TEKT2: variants seen among roughly 807,000 people sequenced by gnomAD.
The protein encoded by TEKT2 is tektin-2.
Under a neutral mutation model 49.8 loss-of-function variants are expected in TEKT2, and 45 were observed. The ratio of observed to expected loss-of-function variants is 0.90; its 90% CI spans 0.71 to 1.16. The LOEUF (loss-of-function observed/expected upper bound fraction) is 1.16, where lower values mean the gene tolerates loss of function less well. Among genes scored for constraint, TEKT2 ranks in the 50% most tolerant of loss-of-function variants. The pLI is 0.00. For missense variants in TEKT2, 523 were observed against 551.4 expected (o/e 0.95, Z 0.52); for synonymous variants, 202 against 224.6 (o/e 0.90, Z 0.90).
At chr1:36,085,507 CTTTTTTTTTTTTT>C (rs1159834731) in intron 3 of TEKT2, among the ~76,000 whole-genome samples, 2 of 82,554 alleles carry the variant, frequency 2.4e-5, no homozygotes. Context: ...TCTTTCTTTT[CTTTTTTTTTTTTT>C]TTTTTTTTTT....
chr1:36,085,058 G>C lies in TEKT2; in HGVS notation c.137G>C (p.Arg46Pro), dbSNP rs142695740. ...ATCCGCCAGGAGGCCCGGGTGCTCC[G>C]CAACGAGACCAACAACCAGGTTGGG... is the stretch of plus-strand genomic sequence containing the variant. Reference protein sequence around the residue: ...HQIRQEARVLRNETNNQTIWD... With the variant: ...HQIRQEARVLPNETNNQTIWD... Residue 46 changes from arginine (R) to proline (P), a missense_variant, in exon 2 of 10, where the codon CGC becomes CCC. Physicochemically the swap from Arg to Pro is moderately radical, Grantham distance 103. Coordinates refer to ENST00000207457, the MANE Select transcript of TEKT2 (RefSeq NM_014466.3). 2.2e-5 allele frequency: 36 copies of C among 1,613,988 alleles called. No homozygotes were observed. In the Middle Eastern group the frequency reaches 6.6e-4, roughly 29 times the overall value.
In TEKT2 at chr1:36,088,039, C is replaced by T. The variant is rs756758536; in HGVS notation, c.1146C>T (p.Asn382=). The change falls in exon 10 of 10, where the codon AAC becomes AAT. Residue 382 remains asparagine (N), a synonymous_variant. Coordinates refer to ENST00000207457, the MANE Select transcript of TEKT2 (RefSeq NM_014466.3). ...RLQADIACKA[N]SMLLDTKCMD... is the part of the protein sequence containing the mutation. ...AGGCTGACATTGCCTGCAAGGCCAACTCCATGCTGCTGGACACCAAGTGCA... is the reference window on the plus strand; with the variant it reads ...AGGCTGACATTGCCTGCAAGGCCAATTCCATGCTGCTGGACACCAAGTGCA... 2 of 1,612,818 alleles carry T rather than the reference C, an allele frequency of 1.2e-6. No homozygotes were observed. The highest frequency in any genetic ancestry group is 3.3e-5 in the Admixed American group (2 of 59,978).
chr1:36,086,164 T>C, intron 4 of TEKT2, 123 bp downstream of exon 4: 1 of 1,064,318 alleles, frequency 9.4e-7, no homozygotes, highest in Non-Finnish European at 1.4e-6. Context: ...GGCCCTCTGG[T>C]GCCTGTGACA....
Position 36,087,454 on chromosome 1 carries a change from G to C in TEKT2, c.871G>C (p.Ala291Pro). 1 of 1,613,758 alleles carries C rather than the reference G, an allele frequency of 6.2e-7. No homozygotes were observed. The stretch of plus-strand genomic sequence containing the variant: ...TCCCCTGCAGACCTTGGAGGAGATC[G>C]CTGAGCTGCAGGAGGACATCCGGCA... ...WQEKNTLEEI[A>P]ELQEDIRHLE... The change falls in exon 8 of 10, where the codon GCT (alanine) becomes CCT (proline). Residue 291 changes from alanine (A) to proline (P), a missense_variant. Physicochemically the swap from Ala to Pro is conservative, Grantham distance 27. Transcript: ENST00000207457. This position sits in a 1 kb window ranked among gnomAD's most constrained non-coding sequence, Gnocchi z 4.9.
In TEKT2 at chr1:36,087,357, C is replaced by A; in HGVS notation, c.855+46C>A. 6.2e-7 allele frequency: 1 copy of A among 1,613,610 alleles called. No individual in the cohort carries two copies. Among genetic ancestry groups the A allele is most frequent in the Non-Finnish European group, 8.5e-7 (1 of 1,179,772 alleles). ...GGACTTCCTGCTGTGGGATGAGAAG[C>A]CGCATGCCCCCGCCAGGAGGCACTG... On this transcript the variant is annotated intron_variant, in intron 7 of 9. Transcript: ENST00000207457. This position sits in a 1 kb window ranked among gnomAD's most constrained non-coding sequence, Gnocchi z 4.9.
Position 36,087,604 on chromosome 1 carries a change from G to A in TEKT2, c.999+22G>A, listed in dbSNP as rs1481140116. 8 of 1,613,476 alleles carry A rather than the reference G, an allele frequency of 5.0e-6. No individual in the cohort carries two copies. The highest frequency in any genetic ancestry group is 4.5e-5 in the East Asian group (2 of 44,896). On this transcript the variant is annotated intron_variant, in intron 8 of 9. Coordinates refer to ENST00000207457, the MANE Select transcript of TEKT2 (RefSeq NM_014466.3). The surrounding 1 kb of genome is among the most constrained non-coding windows in gnomAD (Gnocchi z 4.9). ...CCAGGTGAGAGGGTGTCCCAGTGGC[G>A]CACGGGCCCCCTAGCCAAGGTTTTC...
rs1004576499 is a variant in TEKT2, at chr1:36,084,463, G to A, written c.-53+314G>A. ...GGGCTCCTGCCCTTAGATCCCCCACGGGGACTGGCCCGCAGCCTGGGGAAG... is the reference window on the plus strand; with the variant it reads ...GGGCTCCTGCCCTTAGATCCCCCACAGGGACTGGCCCGCAGCCTGGGGAAG... On this transcript the variant is annotated intron_variant, in intron 1 of 9. Coordinates refer to ENST00000207457, the MANE Select transcript of TEKT2 (RefSeq NM_014466.3). The surrounding 1 kb of genome is among the most constrained non-coding windows in gnomAD (Gnocchi z 4.1). The A allele has an allele frequency of 1.3e-4, 31 of 243,742 alleles. No individual in the cohort carries two copies. Among genetic ancestry groups the A allele is most frequent in the South Asian group, 1.2e-3 (24 of 20,240 alleles). The allele number at this position is 243,742 out of a possible 1,614,324, so 15.1% of individuals were successfully genotyped here.
chr1:36,086,600 G>T (rs1297351099), intron 4 of TEKT2, 104 bp from the exon 5 acceptor site: 2 of 1,495,302 alleles, frequency 1.3e-6, no homozygotes, highest in African/African-American at 1.4e-5. Flanking sequence ...CTTCTGCTGG[G>T]AAGGGTCACC....
intron 4 of TEKT2, 96 bp downstream of exon 4, chr1:36,086,137 C>T: frequency 1.4e-6 from 2 of 1,398,396 alleles, no homozygotes; most frequent in Non-Finnish European, 2.0e-6. Context: ...GAGCAACTGG[C>T]TCTCGTGCTA....
Position 36,086,995 on chromosome 1 carries a change from A to C in TEKT2, c.697A>C (p.Met233Leu). The C allele has an allele frequency of 2.5e-6, 4 of 1,613,960 alleles. No homozygotes were observed. Among genetic ancestry groups the C allele is most frequent in the Non-Finnish European group, 3.4e-6 (4 of 1,180,022 alleles). ...CAACAAGGACCGAGCGGAGGCTGAGATGAAGGCAGCCACAGAGCTGAGGGA... is the reference window on the plus strand; with the variant it reads ...CAACAAGGACCGAGCGGAGGCTGAGCTGAAGGCAGCCACAGAGCTGAGGGA... ...RFNKDRAEAE[M>L]KAATELREAT... Residue 233 changes from methionine (M) to leucine (L), a missense_variant, in exon 6 of 10, where the codon ATG (methionine) becomes CTG (leucine). Physicochemically the swap from Met to Leu is conservative, Grantham distance 15. Coordinates refer to ENST00000207457, the MANE Select transcript of TEKT2 (RefSeq NM_014466.3).
In TEKT2 at chr1:36,085,994, C is replaced by T. The variant is rs962706839; in HGVS notation, c.441C>T (p.Thr147=). ...LHKEVEVIEA[T]KKALQQKVSQ... is the part of the protein sequence containing the mutation. ...AAGAGGTGGAGGTCATCGAGGCCAC[C>T]AAGAAGGCCTTGCAACAGAAGGTCA... The change falls in exon 4 of 10, where the codon ACC becomes ACT. Residue 147 remains threonine, a synonymous_variant. Coordinates refer to ENST00000207457, the MANE Select transcript of TEKT2 (RefSeq NM_014466.3). 6.2e-7 allele frequency: 1 copy of T among 1,606,916 alleles called. No individual in the cohort carries two copies. Among genetic ancestry groups the T allele is most frequent in the African/African-American group, 1.3e-5 (1 of 74,770 alleles).
chr1:36,085,502 CTTTTCTTTTTTTTTTTTT>C (rs1235707227), intron 3 of TEKT2, among the ~76,000 whole-genome samples: 8 of 131,408 alleles, frequency 6.1e-5, no homozygotes, highest in African/African-American at 2.4e-4. Context: ...TTCTTTCTTT[CTTTTCTTTTTTTTTTTTT>C]TTTTTTTTTT....
rs1316461733 is a variant in TEKT2 at position 36,084,794 on chromosome 1, A to G, written c.-52-76A>G. ...AGGGCTCAGAGCAAAATGGACAGGA[A>G]CAAGTCCTGCGCAGGGGGCGTGTGA... is the stretch of plus-strand genomic sequence containing the variant. On this transcript the variant is annotated intron_variant, in intron 1 of 9. Coordinates refer to ENST00000207457, the MANE Select transcript of TEKT2 (RefSeq NM_014466.3). The surrounding 1 kb of genome is among the most constrained non-coding windows in gnomAD (Gnocchi z 4.1). The G allele has an allele frequency of 7.1e-7, 1 of 1,399,568 alleles. No homozygotes were observed. The highest frequency in any genetic ancestry group is 2.3e-5 in the East Asian group (1 of 43,574). 86.7% of individuals were successfully genotyped at this position (1,399,568 alleles called of 1,614,324 possible). A position where few individuals can be genotyped will look rare whatever the true frequency, so the allele number is the denominator to read the frequency against.
Position 36,087,873 on chromosome 1 carries a change from T to C in TEKT2, c.1079+66T>C, listed in dbSNP as rs1352744716. The C allele has an allele frequency of 6.3e-7, 1 of 1,599,384 alleles. No individual in the cohort carries two copies. The highest frequency in any genetic ancestry group is 2.2e-5 in the East Asian group (1 of 44,470). On this transcript the variant is annotated intron_variant, in intron 9 of 9. Transcript: ENST00000207457. This position sits in a 1 kb window ranked among gnomAD's most constrained non-coding sequence, Gnocchi z 4.9. ...CCCACAAATGGGGCCTCTTGCTGGC[T>C]GCTGGCTCCCTGGGGCTGTCTTCCT...
At chr1:36,085,375 G>A in intron 3 of TEKT2, 87 bp downstream of exon 3, 10 of 1,595,522 alleles carry the variant, frequency 6.3e-6, no homozygotes, top group African/African-American at 1.3e-5. Context: ...CTTGATGGGG[G>A]GTCATGAGTG....
intron 4 of TEKT2, 80 bp from the exon 5 acceptor site, chr1:36,086,624 C>T (rs1643378441): frequency 6.3e-7 from 1 of 1,591,062 alleles, no homozygotes; most frequent in Non-Finnish European, 8.6e-7. Flanking sequence ...GCCTCCTCTT[C>T]CTGTGGTGTC....
In TEKT2 at chr1:36,086,744, C is replaced by G; in HGVS notation, c.529C>G (p.Arg177Gly). ...EVQQQLNSDH[R>G]GKMETLEIDR... ...CCAACAGCAGCTCAACTCCGACCAT[C>G]GGGGCAAAATGGAGACACTAGAGAT... The change falls in exon 5 of 10, where the codon CGG becomes GGG. Residue 177 changes from arginine to glycine, a missense_variant. Physicochemically the swap from Arg to Gly is moderately radical, Grantham distance 125. Transcript: ENST00000207457. 1 of 1,614,082 alleles carries G rather than the reference C, an allele frequency of 6.2e-7. No homozygotes were observed. Among genetic ancestry groups the G allele is most frequent in the East Asian group, 2.2e-5 (1 of 44,824 alleles).
At position 36,085,864 on chromosome 1, in the gene TEKT2, A is replaced by G; in HGVS notation, c.311A>G (p.Gln104Arg). The change falls in exon 4 of 10, where the codon CAG becomes CGG. Residue 104 changes from glutamine (Q) to arginine (R), a missense_variant. Gln to Arg is a conservative substitution (Grantham distance 43). Coordinates refer to ENST00000207457, the MANE Select transcript of TEKT2 (RefSeq NM_014466.3). ...QMKESAEQNLQAKNLPLDVAI... is the reference protein window; with the variant it reads ...QMKESAEQNLRAKNLPLDVAI... ...AAGGAGTCAGCAGAGCAAAACCTGC[A>G]GGCCAAGAACCTGCCTCTGGATGTG... 1 of 1,613,906 alleles carries G rather than the reference A, an allele frequency of 6.2e-7. No individual in the cohort carries two copies. The highest frequency in any genetic ancestry group is 8.5e-7 in the Non-Finnish European group (1 of 1,179,954).
At chr1:36,086,366 T>C (rs1643373154) in intron 4 of TEKT2, among the ~76,000 whole-genome samples, 1 of 152,134 alleles carries the variant, frequency 6.6e-6, no homozygotes, top group Admixed American at 6.5e-5. Context: ...TACATCCGTG[T>C]GCCCCGCAGG....
Sources: gnomAD v4.1 joint callset for allele counts (sites outside exome capture counted in the v4.1 genomes callset) on GRCh38, gnomAD v4.1.1 for gene constraint, Gnocchi (gnomAD v3.1) non-coding constraint, MANE v1.5 for transcripts, NCBI Gene and HGNC (gene_info 2026-07-23, HGNC 2026-07-21) for gene names.